The following PLA2R1 variants were observed in gnomAD, a reference collection of about 807,000 sequenced individuals.
PLA2R1 encodes the protein secretory phospholipase A2 receptor.
PLA2R1 carries 158 observed loss-of-function variants against 195.9 expected under a neutral mutation model. The observed-to-expected ratio is 0.81, with a 90% CI of 0.71 to 0.92. The LOEUF is 0.92. PLA2R1 is among the 40% of genes least tolerant of loss of function. The pLI is 0.00. For missense variants in PLA2R1, 1,626 were observed against 1,764.6 expected, an observed-to-expected ratio of 0.92 and a Z score of 1.41; for synonymous variants, 586 against 598.2, an observed-to-expected ratio of 0.98 and a Z score of 0.30.
chr2:160,062,409 AC>A lies in PLA2R1; in HGVS notation c.-7del. 1 of 1,536,378 alleles carries A rather than the reference AC, an allele frequency of 6.5e-7. No homozygotes were observed. The highest frequency in any genetic ancestry group is 8.8e-7 in the Non-Finnish European group (1 of 1,141,126). ...AGCGACGGCGACAGCAGCATCGCTA[AC>A]CACTGGGCTCTCCGGGAGCCCCTTG... On this transcript the variant is annotated 5_prime_UTR_variant, in exon 1 of 30. Transcript: ENST00000283243.
chr2:159,932,955 T>C lies in PLA2R1; in HGVS notation c.*8823A>G, dbSNP rs925864142. The C allele has an allele frequency of 1.3e-5, 2 of 149,712 alleles. No homozygotes were observed. Among genetic ancestry groups the C allele is most frequent in the Admixed American group, 6.7e-5 (1 of 14,996 alleles). 9.3% of individuals were successfully genotyped at this position (149,712 alleles called of 1,614,324 possible). A position where few individuals can be genotyped will look rare whatever the true frequency, so the allele number is the denominator to read the frequency against. The stretch of plus-strand genomic sequence containing the variant: ...ATCTTGAAAAATCAATTTCCATTAA[T>C]AGAAGCACAGGAAACAAGTTGAAAA... On this transcript the variant is annotated 3_prime_UTR_variant, in exon 30 of 30. Transcript: ENST00000283243.
intron 1 of PLA2R1, among the ~76,000 whole-genome samples, chr2:160,045,570 T>A (rs1694807594): frequency 6.6e-6 from 1 of 152,176 alleles, no homozygotes; most frequent in Non-Finnish European, 1.5e-5. Flanking sequence ...GACAAGTGCC[T>A]GAATGTTAGG....
At chr2:160,008,186 G>A (rs997062513) in intron 10 of PLA2R1, among the ~76,000 whole-genome samples, 3 of 152,100 alleles carry the variant, frequency 2.0e-5, no homozygotes, top group African/African-American at 7.2e-5. Context: ...GATGCCTGTA[G>A]TCCCAGCTAC....
Position 160,033,639 on chromosome 2 carries a change from T to C in PLA2R1, c.668-507A>G, listed in dbSNP as rs190753807. Among the ~76,000 whole-genome samples, 3 of 152,288 alleles carry C rather than the reference T, an allele frequency of 2.0e-5. No homozygotes were observed. In the East Asian group the frequency reaches 5.8e-4, roughly 29 times the overall value. ...AACATCAAGCACAGGAACACTGACA[T>C]ATAGTTTAAGAAAGTTCTTTCAGCC... On this transcript the variant is annotated intron_variant, in intron 3 of 29. Coordinates refer to ENST00000283243, the MANE Select transcript of PLA2R1 (RefSeq NM_007366.5).
At chr2:159,949,382 T>C (rs771896405) in intron 25 of PLA2R1, among the ~76,000 whole-genome samples, 1 of 152,186 alleles carries the variant, frequency 6.6e-6, no homozygotes, top group Non-Finnish European at 1.5e-5. Context: ...TCTACCTTTC[T>C]CCAAATGAAT....
At chr2:160,056,013 A>G (rs1205775544) in intron 1 of PLA2R1, among the ~76,000 whole-genome samples, 1 of 151,428 alleles carries the variant, frequency 6.6e-6, no homozygotes, top group Admixed American at 6.6e-5. Context: ...TCTTCCCCCC[A>G]TTCACCATGG....
chr2:160,036,586 G>C (rs1052061719), intron 3 of PLA2R1, among the ~76,000 whole-genome samples: 4 of 152,212 alleles, frequency 2.6e-5, no homozygotes, highest in African/African-American at 9.7e-5. Context: ...TCTGGTGCAG[G>C]TGCCTTCCAT....
intron 4 of PLA2R1, among the ~76,000 whole-genome samples, chr2:160,032,324 T>C (rs17830755): frequency 0.35 from 53,770 of 152,108 alleles, 11,832 homozygotes; most frequent in Non-Finnish European, 0.5. Context: ...TTTTCTAATG[T>C]TTCCACAAGT....
intron 6 of PLA2R1, 116 bp downstream of exon 6, chr2:160,028,101 TA>T: frequency 1.6e-6 from 1 of 644,224 alleles, no homozygotes; most frequent in Non-Finnish European, 2.7e-6. Context: ...CATATAAATA[TA>T]AACTAGATTT....
intron 24 of PLA2R1, among the ~76,000 whole-genome samples, chr2:159,950,169 G>A (rs13032003): frequency 6.6e-6 from 1 of 152,126 alleles, no homozygotes. Context: ...CCAAGTCATA[G>A]AAAATCCAGA....
chr2:160,022,589 C>G, intron 7 of PLA2R1, 76 bp downstream of exon 7: 1 of 804,896 alleles, frequency 1.2e-6, no homozygotes, highest in Non-Finnish European at 1.9e-6. Context: ...GCTTAAATTT[C>G]TTTTCAACTC....
intron 1 of PLA2R1, among the ~76,000 whole-genome samples, chr2:160,061,194 C>G (rs1174537924): frequency 6.6e-6 from 1 of 152,212 alleles, no homozygotes; most frequent in Non-Finnish European, 1.5e-5. Context: ...GAGGCTCCTC[C>G]TGGCATATTT....
At chr2:159,942,190 TTTTTC>T (rs1687123764) in intron 28 of PLA2R1, 31 bp from the exon 29 acceptor site, 2 of 1,562,374 alleles carry the variant, frequency 1.3e-6, no homozygotes, top group Admixed American at 1.7e-5. Flanking sequence ...TAAAATGAGG[TTTTTC>T]TTTTAATTCA....
chr2:159,972,041 C>T (rs1689225078), intron 17 of PLA2R1, among the ~76,000 whole-genome samples: 1 of 152,106 alleles, frequency 6.6e-6, no homozygotes, highest in African/African-American at 2.4e-5. Context: ...CAATTTCATT[C>T]AATCTAAAGA....
chr2:160,018,371 G>A (rs1047919080), intron 8 of PLA2R1, among the ~76,000 whole-genome samples: 4 of 152,134 alleles, frequency 2.6e-5, no homozygotes, highest in African/African-American at 4.8e-5. Flanking sequence ...GGCCAGGCGC[G>A]GTTGCCCATG....
intron 1 of PLA2R1, among the ~76,000 whole-genome samples, chr2:160,045,853 C>T (rs1398550956): frequency 2.0e-5 from 3 of 152,146 alleles, no homozygotes; most frequent in South Asian, 2.1e-4. Flanking sequence ...CCTTGAAACA[C>T]GAGAGGTGAC....
At chr2:159,992,336 G>A (rs1425562789) in intron 11 of PLA2R1, among the ~76,000 whole-genome samples, 2 of 151,766 alleles carry the variant, frequency 1.3e-5, no homozygotes, top group Non-Finnish European at 1.5e-5. Flanking sequence ...CAAAATCAAT[G>A]TACAAAAATC....
At chr2:160,045,414 G>A (rs906145433) in intron 1 of PLA2R1, among the ~76,000 whole-genome samples, 1 of 152,192 alleles carries the variant, frequency 6.6e-6, no homozygotes, top group African/African-American at 2.4e-5. Flanking sequence ...ATGGGAACAA[G>A]GGTTACCTGC....
In PLA2R1 at chr2:159,970,216, T is replaced by C. The variant is rs1254492460; in HGVS notation, c.2596-4A>G. 1 of 1,602,250 alleles carries C rather than the reference T, an allele frequency of 6.2e-7. No homozygotes were observed. The highest frequency in any genetic ancestry group is 1.7e-5 in the Admixed American group (1 of 58,922). On this transcript the variant is annotated splice_region_variant and splice_polypyrimidine_tract_variant and intron_variant, in intron 17 of 29. Transcript: ENST00000283243. ...AACTTGCACCATACTTTGATAGCTATTGAAAGAAAAAAAGTCAGCATTTAT... is the reference window on the plus strand; with the variant it reads ...AACTTGCACCATACTTTGATAGCTACTGAAAGAAAAAAAGTCAGCATTTAT...
Sources: allele counts gnomAD v4.1 joint callset (sites outside exome capture counted in the v4.1 genomes callset), GRCh38; gene constraint gnomAD v4.1.1; transcripts MANE v1.5; gene names NCBI Gene and HGNC (gene_info 2026-07-23, HGNC 2026-07-21).